C5orf58: variants seen among roughly 807,000 people sequenced by gnomAD.
C5orf58 encodes the protein chromosome 5 open reading frame 58.
In C5orf58, 2 loss-of-function variants were observed where a neutral mutation model predicts 2.9. That is an observed-to-expected ratio of 0.69 (90% CI 0.28 to 2.18). The LOEUF is 2.18. Ranked by LOEUF, C5orf58 falls within the 30% of genes most tolerant of loss-of-function variation. The probability of loss-of-function intolerance (pLI) is 0.13; values close to 1 mark genes in which losing one functional copy is unlikely to be tolerated. For missense variants in C5orf58, 96 were observed against 91.7 expected, an observed-to-expected ratio of 1.05 and a Z score of -0.19; for synonymous variants, 37 against 33.4, an observed-to-expected ratio of 1.11 and a Z score of -0.37.
intron 2 of C5orf58, 84 bp from the exon 3 acceptor site, chr5:170,234,893 A>G: frequency 3.4e-6 from 2 of 584,180 alleles, no homozygotes; most frequent in Non-Finnish European, 5.8e-6. Context: ...TAACAGATTT[A>G]TAGAAATACT....
downstream of C5orf58, chr5:170,246,333 A>G (rs186120467): frequency 2.8e-6 from 1 of 357,980 alleles, no homozygotes; most frequent in East Asian, 4.5e-5. Flanking sequence ...GTCACTGCTT[A>G]TCCTTTAGCT....
chr5:170,244,780 C>T lies in C5orf58; in HGVS notation c.95-1182C>T, dbSNP rs564440222. Among the ~76,000 whole-genome samples, 5 of 152,018 alleles carry T rather than the reference C, an allele frequency of 3.3e-5. No individual in the cohort carries two copies. In the South Asian group the frequency reaches 6.2e-4, roughly 19 times the overall value. On this transcript the variant is annotated intron_variant, in intron 3 of 3. Coordinates refer to ENST00000593851, the MANE Select transcript of C5orf58 (RefSeq NM_001102609.3). ...CGTCTGAAGCCTTCTTCTCTCAGCT[C>T]GTCAAAGTCATTCTCCATCCAGCTT...
At chr5:170,251,565 C>A in intron 2 of C5orf58, 1 of 448,354 alleles carries the variant, frequency 2.2e-6, no homozygotes, top group Middle Eastern at 3.3e-4. Context: ...TAAACTACTC[C>A]CTTCTCCTCA....
At chr5:170,239,295 G>A (rs1451006459) in intron 3 of C5orf58, among the ~76,000 whole-genome samples, 3 of 151,842 alleles carry the variant, frequency 2.0e-5, no homozygotes, top group Non-Finnish European at 4.4e-5. Context: ...TTAGATAATT[G>A]AGCTAAGCAA....
chr5:170,252,550 A>G, downstream of C5orf58: 1 of 1,043,918 alleles, frequency 9.6e-7, no homozygotes, highest in Non-Finnish European at 1.5e-6. Flanking sequence ...TAAATTTTAC[A>G]GTTACAGATG....
At chr5:170,237,693 T>A (rs1760800216) in intron 3 of C5orf58, among the ~76,000 whole-genome samples, 1 of 152,072 alleles carries the variant, frequency 6.6e-6, no homozygotes, top group Non-Finnish European at 1.5e-5. Flanking sequence ...GGAAGACTAG[T>A]TAAATATATA....
downstream of C5orf58, chr5:170,247,382 G>A (rs1303459654): frequency 6.6e-6 from 1 of 152,114 alleles, no homozygotes; most frequent in Non-Finnish European, 1.5e-5. Flanking sequence ...GTTTTAAAAT[G>A]GTGACTTCTT....
chr5:170,245,567 C>T (rs548062908), intron 3 of C5orf58, among the ~76,000 whole-genome samples: 5 of 152,162 alleles, frequency 3.3e-5, no homozygotes, highest in South Asian at 2.1e-4. Flanking sequence ...TTCTTTGACT[C>T]GGAAAGGGAA....
At chr5:170,233,352 C>G (rs1404938258) in intron 1 of C5orf58, 1 of 152,368 alleles carries the variant, frequency 6.6e-6, no homozygotes, top group Non-Finnish European at 1.5e-5. Flanking sequence ...CCAGATGCCT[C>G]AGGCTCCATC....
intron 3 of C5orf58, among the ~76,000 whole-genome samples, chr5:170,245,088 G>A (rs1761202452): frequency 6.6e-6 from 1 of 152,196 alleles, no homozygotes; most frequent in African/African-American, 2.4e-5. Flanking sequence ...CAGTTAGCCG[G>A]GTCAGGGGTC....
chr5:170,246,849 C>G (rs759647206), downstream of C5orf58: 1 of 152,184 alleles, frequency 6.6e-6, no homozygotes, highest in African/African-American at 2.4e-5. Context: ...AAGGAGTTGT[C>G]GGTGCTTGAA....
chr5:170,233,872 G>A (rs1760626877), intron 1 of C5orf58: 2 of 349,912 alleles, frequency 5.7e-6, no homozygotes, highest in Non-Finnish European at 1.1e-5. Context: ...AGTGGAGAGA[G>A]GCCACTGTCT....
chr5:170,250,461 A>AT (rs565558369), downstream of C5orf58, among the ~76,000 whole-genome samples: 1 of 152,206 alleles, frequency 6.6e-6, no homozygotes, highest in Non-Finnish European at 1.5e-5. Flanking sequence ...ATCTAAATAG[A>AT]TTTTTTTAAG....
At chr5:170,241,750 C>G (rs1761018817) in intron 3 of C5orf58, among the ~76,000 whole-genome samples, 1 of 144,446 alleles carries the variant, frequency 6.9e-6, no homozygotes, top group Non-Finnish European at 1.5e-5. Context: ...TCCTCTTTTC[C>G]TAATTGAATA....
intron 3 of C5orf58, among the ~76,000 whole-genome samples, chr5:170,239,087 C>T (rs1483531390): frequency 2.0e-5 from 3 of 152,244 alleles, no homozygotes; most frequent in Non-Finnish European, 4.4e-5. Flanking sequence ...AGAGGAGAGA[C>T]GTTTAACAAT....
At chr5:170,236,018 A>G (rs1436139152) in intron 3 of C5orf58, among the ~76,000 whole-genome samples, 1 of 151,886 alleles carries the variant, frequency 6.6e-6, no homozygotes, top group Non-Finnish European at 1.5e-5. Context: ...TCATATATAG[A>G]CAGTCTCTTT....
chr5:170,246,771 G>A (rs1013813605), downstream of C5orf58: 1 of 152,280 alleles, frequency 6.6e-6, no homozygotes, highest in East Asian at 1.9e-4. Flanking sequence ...AGGGTTCTGA[G>A]CAACTGTGAC....
At position 170,234,992 on chromosome 5, in the gene C5orf58, G is replaced by C; in HGVS notation, c.16G>C (p.Val6Leu). The change falls in exon 3 of 4, where the codon GTT becomes CTT. Residue 6 changes from valine to leucine, a missense_variant. Physicochemically the swap from Val to Leu is conservative, Grantham distance 32. Coordinates refer to ENST00000593851, the MANE Select transcript of C5orf58 (RefSeq NM_001102609.3). MGKKR[V>L]TDHKLNVDKV... The stretch of plus-strand genomic sequence containing the variant: ...TTAAAATCAGATGGGTAAGAAGCGT[G>C]TTACTGATCATAAGCTAAATGTGGA... The C allele has an allele frequency of 6.6e-7, 1 of 1,525,544 alleles. No homozygotes were observed. Among genetic ancestry groups the C allele is most frequent in the Non-Finnish European group, 9.0e-7 (1 of 1,110,818 alleles). 94.5% of individuals were successfully genotyped at this position (1,525,544 alleles called of 1,614,324 possible).
At chr5:170,244,585 T>C (rs1482923025) in intron 3 of C5orf58, among the ~76,000 whole-genome samples, 3 of 152,350 alleles carry the variant, frequency 2.0e-5, no homozygotes, top group East Asian at 3.9e-4. Context: ...TCCTGAGACT[T>C]CTGCATTCTT....
Sources: allele counts gnomAD v4.1 joint callset (sites outside exome capture counted in the v4.1 genomes callset), GRCh38; gene constraint gnomAD v4.1.1; transcripts MANE v1.5; gene names NCBI Gene and HGNC (gene_info 2026-07-23, HGNC 2026-07-21).